CHODL: variants seen among roughly 807,000 people sequenced by gnomAD.
CHODL encodes transmembrane protein MT75.
A neutral mutation model predicts 34.5 loss-of-function variants in CHODL; 29 were observed. The observed-to-expected ratio is 0.84, with a 90% CI of 0.63 to 1.15. CHODL has a LOEUF of 1.15. Among genes scored for constraint, CHODL ranks in the 50% most tolerant of loss-of-function variants. The probability of loss-of-function intolerance (pLI) is 0.00; values close to 1 mark genes in which losing one functional copy is unlikely to be tolerated. For missense variants in CHODL, 332 were observed against 332.5 expected (o/e 1.00, Z 0.01); for synonymous variants, 125 against 116.1 (o/e 1.08, Z -0.49).
intron 1 of CHODL, among the ~76,000 whole-genome samples, chr21:17,949,302 A>G (rs2063437317): frequency 6.6e-6 from 1 of 152,216 alleles, no homozygotes; most frequent in African/African-American, 2.4e-5. Context: ...GAAGTATAAA[A>G]GTGTATCTAC....
intron 1 of CHODL, among the ~76,000 whole-genome samples, chr21:18,248,597 TAAA>T (rs1475489124): frequency 7.3e-6 from 1 of 136,686 alleles, no homozygotes; most frequent in Non-Finnish European, 1.5e-5. Flanking sequence ...TATATATATA[TAAA>T]ATATATGTAT....
upstream of CHODL, among the ~76,000 whole-genome samples, chr21:18,239,925 T>C (rs2074065418): frequency 6.6e-6 from 1 of 151,536 alleles, no homozygotes; most frequent in South Asian, 2.1e-4. Context: ...TAGGAAAAAA[T>C]AGAAGAGAAA....
chr21:17,964,525 A>T (rs2063556758), intron 1 of CHODL, among the ~76,000 whole-genome samples: 1 of 152,160 alleles, frequency 6.6e-6, no homozygotes, highest in South Asian at 2.1e-4. Flanking sequence ...GTAAGTGGGT[A>T]TATATATTTG....
At chr21:17,925,685 T>C (rs892881957) in intron 1 of CHODL, among the ~76,000 whole-genome samples, 1 of 152,208 alleles carries the variant, frequency 6.6e-6, no homozygotes, top group African/African-American at 2.4e-5. Context: ...GATAAATTTA[T>C]TTATAATAGA....
At chr21:18,157,418 G>A (rs2073047357) in intron 2 of CHODL, among the ~76,000 whole-genome samples, 1 of 152,198 alleles carries the variant, frequency 6.6e-6, no homozygotes, top group Admixed American at 6.5e-5. Context: ...ACAGTGATGA[G>A]AAGAACAAAT....
At chr21:18,089,097 C>A (rs2065041443) in intron 2 of CHODL, among the ~76,000 whole-genome samples, 1 of 152,178 alleles carries the variant, frequency 6.6e-6, no homozygotes, top group Non-Finnish European at 1.5e-5. Context: ...TCAAACTTGA[C>A]AAGCACAGCC....
At chr21:18,071,135 A>G (rs1449695286) in intron 2 of CHODL, among the ~76,000 whole-genome samples, 1 of 147,992 alleles carries the variant, frequency 6.8e-6, no homozygotes, top group Non-Finnish European at 1.5e-5. Context: ...ACTTTGGACT[A>G]TAACTACAGC....
intron 1 of CHODL, among the ~76,000 whole-genome samples, chr21:17,935,097 C>A (rs2063308595): frequency 6.6e-6 from 1 of 152,096 alleles, no homozygotes; most frequent in Non-Finnish European, 1.5e-5. Flanking sequence ...GAGTTGAAAA[C>A]AATAAAGCTC....
chr21:18,028,237 TCCCC>T (rs2064199602), intron 2 of CHODL, among the ~76,000 whole-genome samples: 1 of 100,672 alleles, frequency 9.9e-6, no homozygotes, highest in African/African-American at 4.0e-5. Flanking sequence ...CCCCTCCCCT[TCCCC>T]TTCCCCTTTT....
intron 2 of CHODL, among the ~76,000 whole-genome samples, chr21:18,167,462 A>G (rs992625700): frequency 1.3e-5 from 2 of 151,052 alleles, no homozygotes; most frequent in African/African-American, 4.9e-5. Flanking sequence ...GGCGACCACC[A>G]CCACGCCCGG....
chr21:18,122,844 T>A (rs542677089), intron 2 of CHODL, among the ~76,000 whole-genome samples: 60 of 152,352 alleles, frequency 3.9e-4, no homozygotes, highest in South Asian at 1.0e-3. Flanking sequence ...TTTAAAGTGA[T>A]TTCATTAATC....
At chr21:17,933,608 G>A (rs746410517) in intron 1 of CHODL, among the ~76,000 whole-genome samples, 3 of 152,180 alleles carry the variant, frequency 2.0e-5, no homozygotes, top group Non-Finnish European at 4.4e-5. Flanking sequence ...TCTTAGTACA[G>A]AACAAAATGG....
chr21:17,941,399 T>C (rs929606633), intron 1 of CHODL, among the ~76,000 whole-genome samples: 2 of 151,124 alleles, frequency 1.3e-5, no homozygotes, highest in Non-Finnish European at 2.9e-5. Context: ...CCAAAGCTTG[T>C]TTCTTAGTGC....
chr21:18,191,919 GTATAC>G (rs2073515179), intron 2 of CHODL, among the ~76,000 whole-genome samples: 1 of 152,106 alleles, frequency 6.6e-6, no homozygotes, highest in Non-Finnish European at 1.5e-5. Context: ...GTATTGTATT[GTATAC>G]TTAAAATTTT....
chr21:18,114,301 T>C (rs1054587327), intron 2 of CHODL, among the ~76,000 whole-genome samples: 1 of 152,194 alleles, frequency 6.6e-6, no homozygotes, highest in African/African-American at 2.4e-5. Flanking sequence ...GGATTGTTTG[T>C]AACTCAAAGA....
chr21:18,245,437 G>A (rs1403725811), intron 1 of CHODL, 135 bp downstream of exon 1: 5 of 669,138 alleles, frequency 7.5e-6, no homozygotes, highest in Non-Finnish European at 7.2e-6. Flanking sequence ...GAGGAGGCGG[G>A]GAGAAATTGA....
intron 2 of CHODL, among the ~76,000 whole-genome samples, chr21:18,171,524 C>T (rs1298757092): frequency 6.6e-6 from 1 of 151,938 alleles, no homozygotes; most frequent in Non-Finnish European, 1.5e-5. Context: ...GTTCTTTCAA[C>T]ATGTTTATAA....
At chr21:18,043,324 G>T (rs1483866436) in intron 2 of CHODL, among the ~76,000 whole-genome samples, 1 of 151,972 alleles carries the variant, frequency 6.6e-6, no homozygotes, top group Non-Finnish European at 1.5e-5. Context: ...CTTTGGACTT[G>T]TGGTTTGTAA....
chr21:18,040,666 AT>A (rs1293209734), intron 2 of CHODL, among the ~76,000 whole-genome samples: 1 of 151,760 alleles, frequency 6.6e-6, no homozygotes, highest in Non-Finnish European at 1.5e-5. Flanking sequence ...GTGCATTATT[AT>A]TTTTTCCATA....
Sources: allele counts gnomAD v4.1 joint callset (sites outside exome capture counted in the v4.1 genomes callset), GRCh38; gene constraint gnomAD v4.1.1; transcripts MANE v1.5; gene names NCBI Gene and HGNC (gene_info 2026-07-23, HGNC 2026-07-21).